FAM222B: variants seen among roughly 807,000 people sequenced by gnomAD.
The protein encoded by FAM222B is protein FAM222B.
A neutral mutation model predicts 38.0 loss-of-function variants in FAM222B; 12 were observed. That is an observed-to-expected ratio of 0.32 (90% CI 0.20 to 0.51). The LOEUF (loss-of-function observed/expected upper bound fraction) is 0.51, where lower values mean the gene tolerates loss of function less well. Ranked by LOEUF, FAM222B falls within the 20% of genes least tolerant of loss-of-function variation. The pLI, the probability that FAM222B is intolerant of heterozygous loss-of-function variation, is 0.97. For missense variants in FAM222B, 716 were observed against 754.2 expected (o/e 0.95, Z 0.59); for synonymous variants, 329 against 317.2 (o/e 1.04, Z -0.40).
intron 1 of FAM222B, among the ~76,000 whole-genome samples, chr17:28,852,310 C>T (rs1370970839): frequency 6.6e-6 from 1 of 151,754 alleles, no homozygotes; most frequent in East Asian, 1.9e-4. Flanking sequence ...GAGCCAAGAT[C>T]GTGCCACTGC....
At chr17:28,829,637 T>C (rs370285156) in intron 1 of FAM222B, among the ~76,000 whole-genome samples, 51 of 152,340 alleles carry the variant, frequency 3.3e-4, no homozygotes, top group South Asian at 1.9e-3. Context: ...ATTCATGTTA[T>C]TGCATATATG....
chr17:28,769,819 C>T (rs1003005754), intron 1 of FAM222B, among the ~76,000 whole-genome samples: 3 of 152,180 alleles, frequency 2.0e-5, no homozygotes, highest in Non-Finnish European at 2.9e-5. Context: ...GAGCCAAACA[C>T]GCTACCGCTT....
intron 1 of FAM222B, among the ~76,000 whole-genome samples, chr17:28,811,206 C>A (rs1008081408): frequency 1.3e-5 from 2 of 152,024 alleles, no homozygotes; most frequent in African/African-American, 2.4e-5. Context: ...TTTGGGAGGC[C>A]GAGGCGGGTG....
intron 1 of FAM222B, among the ~76,000 whole-genome samples, chr17:28,841,639 G>A (rs895501046): frequency 5.3e-5 from 8 of 152,162 alleles, no homozygotes; most frequent in Admixed American, 3.3e-4. Flanking sequence ...CTCCCAAAGT[G>A]CTGGGATTAC....
At chr17:28,775,078 A>G (rs1282961608) in intron 1 of FAM222B, among the ~76,000 whole-genome samples, 5 of 136,842 alleles carry the variant, frequency 3.7e-5, no homozygotes, top group Non-Finnish European at 6.1e-5. Flanking sequence ...TCAGGTCACT[A>G]CAACCTCTGC....
Position 28,766,605 on chromosome 17 carries a change from C to T in FAM222B, c.63G>A (p.Met21Ile). The change falls in exon 2 of 3, where the codon ATG becomes ATA. Residue 21 changes from methionine to isoleucine, a missense_variant. Met to Ile is a conservative substitution (Grantham distance 10). Transcript: ENST00000581407. ...LSFQLLSHTQ[M>I]NTGLQKWDTT... ...ACTTACATTTCTGAAGTCCAGTGTT[C>T]ATCTGCGTGTGAGAAAGAAGCTGAA... 1 of 1,603,366 alleles carries T rather than the reference C, an allele frequency of 6.2e-7. No individual in the cohort carries two copies. The highest frequency in any genetic ancestry group is 8.5e-7 in the Non-Finnish European group (1 of 1,174,816).
At chr17:28,847,909 G>A (rs1339125003) in intron 1 of FAM222B, among the ~76,000 whole-genome samples, 4 of 135,910 alleles carry the variant, frequency 2.9e-5, no homozygotes, top group African/African-American at 8.8e-5. Flanking sequence ...GCGAGACTCC[G>A]CCTCAAAAAA....
At chr17:28,790,912 TTTTA>T (rs1456162369) in intron 1 of FAM222B, among the ~76,000 whole-genome samples, 1 of 130,276 alleles carries the variant, frequency 7.7e-6, no homozygotes, top group Non-Finnish European at 1.6e-5. Flanking sequence ...TTTTTTTTTT[TTTTA>T]GAGACAGAAT....
intron 2 of FAM222B, among the ~76,000 whole-genome samples, chr17:28,760,241 A>C (rs2035006311): frequency 2.0e-5 from 3 of 152,104 alleles, no homozygotes. Flanking sequence ...GAATTTGGCC[A>C]ATTCTCAGAG....
At chr17:28,817,367 C>A (rs1031202344) in intron 1 of FAM222B, among the ~76,000 whole-genome samples, 1 of 150,852 alleles carries the variant, frequency 6.6e-6, no homozygotes, top group African/African-American at 2.4e-5. Context: ...GAGCCGATAT[C>A]GCACCACTGA....
intron 1 of FAM222B, among the ~76,000 whole-genome samples, chr17:28,820,155 A>C (rs2038160437): frequency 6.6e-6 from 1 of 152,226 alleles, no homozygotes; most frequent in Non-Finnish European, 1.5e-5. Flanking sequence ...TAAAGTTCCC[A>C]GCACGTCAGC....
chr17:28,794,496 A>C (rs2036847948), intron 1 of FAM222B, among the ~76,000 whole-genome samples: 1 of 152,176 alleles, frequency 6.6e-6, no homozygotes, highest in African/African-American at 2.4e-5. Context: ...CTGGGATTAC[A>C]GGCATGAGCC....
At chr17:28,804,387 C>T (rs975267085) in intron 1 of FAM222B, among the ~76,000 whole-genome samples, 19 of 152,036 alleles carry the variant, frequency 1.2e-4, no homozygotes, top group Non-Finnish European at 2.4e-4. Context: ...CAGCCTAGAG[C>T]GCAGTGGCGC....
chr17:28,781,792 T>G (rs1480610540), intron 1 of FAM222B, among the ~76,000 whole-genome samples: 1 of 152,098 alleles, frequency 6.6e-6, no homozygotes, highest in African/African-American at 2.4e-5. Flanking sequence ...GAAAGACAAA[T>G]ACTGCATAAT....
exon 1 of FAM222B, chr17:28,855,003 C>G: frequency 6.5e-7 from 1 of 1,546,350 alleles, no homozygotes; most frequent in Non-Finnish European, 8.7e-7. Context: ...AGGAGCGCTC[C>G]TGGTCGGTTC....
chr17:28,847,583 G>A (rs2039153789), upstream of FAM222B, among the ~76,000 whole-genome samples: 1 of 151,852 alleles, frequency 6.6e-6, no homozygotes, highest in African/African-American at 2.4e-5. Context: ...GACAGAGAAG[G>A]ACTCTATCTC....
At chr17:28,775,490 C>T (rs1011093414) in intron 1 of FAM222B, among the ~76,000 whole-genome samples, 1 of 149,228 alleles carries the variant, frequency 6.7e-6, no homozygotes, top group Admixed American at 6.7e-5. Context: ...AGACAAAAAA[C>T]AACAGCTCCC....
intron 1 of FAM222B, among the ~76,000 whole-genome samples, chr17:28,801,321 C>T (rs1235277756): frequency 4.0e-5 from 6 of 150,144 alleles, no homozygotes; most frequent in African/African-American, 1.2e-4. Context: ...GGCGATGTGG[C>T]GGGCGCCTGT....
chr17:28,815,646 G>C (rs1361949782), intron 1 of FAM222B, among the ~76,000 whole-genome samples: 1 of 152,150 alleles, frequency 6.6e-6, no homozygotes, highest in Non-Finnish European at 1.5e-5. Flanking sequence ...GGGCAACACA[G>C]TGAAACCCTG....
Sources: gnomAD v4.1 joint callset for allele counts (sites outside exome capture counted in the v4.1 genomes callset) on GRCh38, gnomAD v4.1.1 for gene constraint, MANE v1.5 for transcripts, NCBI Gene and HGNC (gene_info 2026-07-23, HGNC 2026-07-21) for gene names.